BCL7C: variants seen among roughly 807,000 people sequenced by gnomAD.
BCL7C encodes BAF chromatin remodeling complex subunit BCL7C, also known as B-cell CLL/lymphoma 7 protein family member C.
A neutral mutation model predicts 26.2 loss-of-function variants in BCL7C; 8 were observed. That is an observed-to-expected ratio of 0.30 (90% CI 0.18 to 0.55). The LOEUF is 0.55. Among genes scored for constraint, BCL7C ranks in the 20% least tolerant of loss-of-function variants. The pLI is 0.93. For synonymous variants in BCL7C, 90 were observed against 116.5 expected, an observed-to-expected ratio of 0.77 and a Z score of 1.47; for missense variants, 262 against 298.5, an observed-to-expected ratio of 0.88 and a Z score of 0.90.
At chr16:30,858,789 G>A (rs1325421887) in intron 5 of BCL7C, among the ~76,000 whole-genome samples, 3 of 152,140 alleles carry the variant, frequency 2.0e-5, no homozygotes, top group Non-Finnish European at 4.4e-5. Context: ...GAAGAGAACG[G>A]GAACAGTGGA....
At chr16:30,858,834 G>A (rs952161195) in intron 5 of BCL7C, among the ~76,000 whole-genome samples, 1 of 152,062 alleles carries the variant, frequency 6.6e-6, no homozygotes, top group Non-Finnish European at 1.5e-5. Context: ...AAAATGACTC[G>A]CATGACTAAA....
At chr16:30,891,890 G>A (rs1352605152) in intron 4 of BCL7C, among the ~76,000 whole-genome samples, 2 of 151,890 alleles carry the variant, frequency 1.3e-5, no homozygotes, top group African/African-American at 4.8e-5. Flanking sequence ...CTTGAGCCCA[G>A]GAGTTTGAGG....
chr16:30,877,853 T>C (rs1184480131), intron 5 of BCL7C, among the ~76,000 whole-genome samples: 1 of 152,224 alleles, frequency 6.6e-6, no homozygotes, highest in East Asian at 1.9e-4. Context: ...TGCAGCATGT[T>C]AGCATCACCT....
At chr16:30,842,814 C>T (rs962325502) in intron 5 of BCL7C, among the ~76,000 whole-genome samples, 14 of 152,096 alleles carry the variant, frequency 9.2e-5, no homozygotes, top group Non-Finnish European at 1.5e-5. Flanking sequence ...GTGATCCGCT[C>T]GCCTCAGCCT....
intron 5 of BCL7C, among the ~76,000 whole-genome samples, chr16:30,859,304 T>G (rs1413478728): frequency 6.6e-6 from 1 of 152,220 alleles, no homozygotes; most frequent in Non-Finnish European, 1.5e-5. Context: ...GAGACTGTTT[T>G]GCAGAAGTGA....
Position 30,890,254 on chromosome 16 carries a change from T to C in BCL7C, c.443-1309A>G, listed in dbSNP as rs542308792. ...ACTAAAAATACAAAAATTAGCCGGG[T>C]GTGGTGTTGTGCAGCCTGTAATCCC... On this transcript the variant is annotated intron_variant, in intron 4 of 5. Coordinates refer to ENST00000215115, the MANE Select transcript of BCL7C (RefSeq NM_004765.4). Among the ~76,000 whole-genome samples, 132 of 151,210 alleles carry C rather than the reference T, an allele frequency of 8.7e-4. 1 individual carries two copies. Among genetic ancestry groups the C allele is most frequent in the African/African-American group, 3.2e-3 (130 of 41,210 alleles).
chr16:30,881,138 T>C (rs2055036695), intron 5 of BCL7C, among the ~76,000 whole-genome samples: 1 of 152,200 alleles, frequency 6.6e-6, no homozygotes, highest in Admixed American at 6.6e-5. Context: ...GGCTCATGCC[T>C]GTAATCCCAG....
chr16:30,852,461 C>G (rs1007736084), intron 5 of BCL7C: 5 of 150,256 alleles, frequency 3.3e-5, no homozygotes, highest in Non-Finnish European at 7.4e-5. Flanking sequence ...TCAACAATTA[C>G]TTTTGCACTC....
intron 5 of BCL7C, among the ~76,000 whole-genome samples, chr16:30,849,065 T>C (rs780464973): frequency 1.3e-4 from 20 of 151,578 alleles, no homozygotes; most frequent in Admixed American, 3.3e-4. Flanking sequence ...TGGGCGCCTG[T>C]AGTCCCAGCT....
intron 5 of BCL7C, among the ~76,000 whole-genome samples, chr16:30,870,081 C>T (rs191234639): frequency 6.6e-6 from 1 of 152,240 alleles, no homozygotes; most frequent in East Asian, 1.9e-4. Flanking sequence ...CCAGGGCCTG[C>T]CACCTTAGGA....
At chr16:30,879,895 C>G (rs1442868738) in intron 5 of BCL7C, among the ~76,000 whole-genome samples, 2 of 151,076 alleles carry the variant, frequency 1.3e-5, no homozygotes, top group East Asian at 3.9e-4. Context: ...GAGGCTGAGG[C>G]AGGAGAATTG....
chr16:30,887,046 T>C (rs1476880898), downstream of BCL7C, among the ~76,000 whole-genome samples: 1 of 152,056 alleles, frequency 6.6e-6, no homozygotes, highest in Non-Finnish European at 1.5e-5. Context: ...TGGTGGCTCA[T>C]GCCTGTAATC....
downstream of BCL7C, among the ~76,000 whole-genome samples, chr16:30,885,497 G>T (rs897379765): frequency 6.6e-6 from 1 of 150,670 alleles, no homozygotes; most frequent in Non-Finnish European, 1.5e-5. Context: ...GCAACCTCCC[G>T]GATTCAAGCA....
intron 5 of BCL7C, among the ~76,000 whole-genome samples, chr16:30,841,973 A>AC (rs2054605248): frequency 7.4e-6 from 1 of 135,558 alleles, no homozygotes; most frequent in African/African-American, 2.8e-5. Flanking sequence ...AAAAAAAAAA[A>AC]AAAAGCTCAG....
At position 30,893,777 on chromosome 16, in the gene BCL7C, T is replaced by TG; in HGVS notation, c.92+75dup. On this transcript the variant is annotated intron_variant, in intron 1 of 5. Coordinates refer to ENST00000215115, the MANE Select transcript of BCL7C (RefSeq NM_004765.4). The surrounding 1 kb of genome is among the most constrained non-coding windows in gnomAD (Gnocchi z 5.2). ...ACACCGAACACCCGGGGCCCAGAGC[T>TG]GGCGAGGGCAGCGTAGACGCCTTTG... 1 of 1,344,772 alleles carries TG rather than the reference T, an allele frequency of 7.4e-7. No individual in the cohort carries two copies. Among genetic ancestry groups the TG allele is most frequent in the Admixed American group, 1.7e-5 (1 of 58,366 alleles). 83.3% of individuals were successfully genotyped at this position (1,344,772 alleles called of 1,614,324 possible).
At chr16:30,888,536 C>T (rs994967993) in intron 5 of BCL7C, among the ~76,000 whole-genome samples, 2 of 151,912 alleles carry the variant, frequency 1.3e-5, no homozygotes, top group Admixed American at 1.3e-4. Flanking sequence ...GGGGTTTCAC[C>T]GTGTTAGCCA....
At chr16:30,879,693 A>AAAAAAAAAAAAAC (rs1446107598) in intron 5 of BCL7C, among the ~76,000 whole-genome samples, 3 of 140,236 alleles carry the variant, frequency 2.1e-5, no homozygotes, top group African/African-American at 7.7e-5. Context: ...TCTCTACAAA[A>AAAAAAAAAAAAAC]AAAAAAAAAA....
At chr16:30,848,285 G>A (rs565247339) in intron 5 of BCL7C, among the ~76,000 whole-genome samples, 1 of 152,160 alleles carries the variant, frequency 6.6e-6, no homozygotes, top group Non-Finnish European at 1.5e-5. Flanking sequence ...TTTTGCTAGG[G>A]CATTGAAGGG....
chr16:30,841,997 CAG>C (rs2054605475), intron 5 of BCL7C, among the ~76,000 whole-genome samples: 1 of 50,296 alleles, frequency 2.0e-5, no homozygotes, highest in Non-Finnish European at 4.0e-5. Context: ...CCTTGTCCAC[CAG>C]AGACAAGGTG....
Sources: allele counts gnomAD v4.1 joint callset (sites outside exome capture counted in the v4.1 genomes callset), GRCh38; gene constraint gnomAD v4.1.1; non-coding constraint Gnocchi (gnomAD v3.1); transcripts MANE v1.5; gene names NCBI Gene and HGNC (gene_info 2026-07-23, HGNC 2026-07-21).